The following H6PD variants were observed in gnomAD, a reference collection of about 807,000 sequenced individuals.
H6PD encodes GDH/6PGL endoplasmic bifunctional protein.
A neutral mutation model predicts 61.2 loss-of-function variants in H6PD; 48 were observed. The ratio of observed to expected loss-of-function variants is 0.78; its 90% confidence interval spans 0.62 to 1.00. The LOEUF is 1.00. Among genes scored for constraint, H6PD ranks in the 50% least tolerant of loss-of-function variants. The probability of loss-of-function intolerance (pLI) is 0.00; values close to 1 mark genes in which losing one functional copy is unlikely to be tolerated. For missense variants in H6PD, 1,093 were observed against 1,065.0 expected (o/e 1.03, Z -0.37); for synonymous variants, 480 against 457.9 (o/e 1.05, Z -0.62).
intron 1 of H6PD, chr1:9,242,624 C>T (rs1371725761): frequency 1.0e-6 from 1 of 985,338 alleles, no homozygotes; most frequent in Non-Finnish European, 1.2e-6. Flanking sequence ...TCCGTCACAG[C>T]TGTCTGCAGT....
At chr1:9,258,854 T>C (rs1037665600) in intron 3 of H6PD, among the ~76,000 whole-genome samples, 7 of 151,826 alleles carry the variant, frequency 4.6e-5, no homozygotes, top group African/African-American at 1.7e-4. Context: ...GCTGGTGTTG[T>C]GTTACTGTTG....
rs189633216 is a variant in H6PD, at chr1:9,248,205, C to G, written c.745+1122C>G. Among the ~76,000 whole-genome samples the G allele has an allele frequency of 5.5e-4, 84 of 152,362 alleles. 1 individual carries two copies. The highest frequency in any genetic ancestry group is 1.7e-3 in the African/African-American group (69 of 41,592). On this transcript the variant is annotated intron_variant, in intron 3 of 4. Transcript: ENST00000377403. ...CCCCAGCCCCCGCAGTGCGTGCCCG[C>G]CACAGGGCAGGGCCCAGAGCCCTGG...
intron 4 of H6PD, 105 bp downstream of exon 4, chr1:9,262,433 A>G (rs1638352807): frequency 4.5e-6 from 5 of 1,111,730 alleles, no homozygotes; most frequent in Non-Finnish European, 6.5e-6. Context: ...TTGAGGTGGG[A>G]TTTCCCCCAG....
rs762627876 is a variant in H6PD at position 9,244,957 on chromosome 1, C to T, written c.23C>T (p.Ala8Val). The T allele has an allele frequency of 4.3e-6, 7 of 1,613,936 alleles. No homozygotes were observed. Among genetic ancestry groups the T allele is most frequent in the African/African-American group, 2.7e-5 (2 of 74,912 alleles). Residue 8 changes from alanine (A) to valine (V), a missense_variant, in exon 2 of 5, where the codon GCG becomes GTG. Ala to Val is a moderately conservative substitution (Grantham distance 64). Coordinates refer to ENST00000377403, the MANE Select transcript of H6PD (RefSeq NM_004285.4). Reference sequence around the variant, plus strand: ...GGCATGTGGAATATGCTCATAGTGGCGATGTGCTTGGCCCTTCTGGGCTGC... The same window carrying T: ...GGCATGTGGAATATGCTCATAGTGGTGATGTGCTTGGCCCTTCTGGGCTGC... The part of the protein sequence containing the change: MWNMLIV[A>V]MCLALLGCLQ...
At chr1:9,263,438 G>T (rs1483600202) in intron 4 of H6PD, 71 bp from the exon 5 acceptor site, 2 of 1,477,374 alleles carry the variant, frequency 1.4e-6, no homozygotes, top group African/African-American at 1.4e-5. Context: ...AGCCGGCAAG[G>T]AGAGGAGAGG....
At chr1:9,246,666 C>T (rs1641184126) in intron 2 of H6PD, among the ~76,000 whole-genome samples, 1 of 152,168 alleles carries the variant, frequency 6.6e-6, no homozygotes, top group South Asian at 2.1e-4. Context: ...CAGAGCTTTT[C>T]TTTGCTACAT....
Position 9,266,488 on chromosome 1 carries a change from C to T in H6PD, c.*1619C>T, listed in dbSNP as rs1446717289. 6.6e-6 allele frequency: 1 copy of T among 152,202 alleles called. No homozygotes were observed. 9.4% of individuals were successfully genotyped at this position (152,202 alleles called of 1,614,324 possible). ...ACACCACAAAGCAAAATTCCCAGGA[C>T]ATGTGTAGTTTTGTTTGTTCAGTAT... On this transcript the variant is annotated 3_prime_UTR_variant, in exon 5 of 5. Coordinates refer to ENST00000377403, the MANE Select transcript of H6PD (RefSeq NM_004285.4).
At position 9,268,766 on chromosome 1, in the gene H6PD, C is replaced by G. The variant is rs762122278; in HGVS notation, c.*3897C>G. 6.6e-6 allele frequency: 1 copy of G among 152,184 alleles called. No individual in the cohort carries two copies. The highest frequency in any genetic ancestry group is 2.4e-5 in the African/African-American group (1 of 41,454). 9.4% of individuals were successfully genotyped at this position (152,184 alleles called of 1,614,324 possible). A position where few individuals can be genotyped will look rare whatever the true frequency, so the allele number is the denominator to read the frequency against. ...ACTAGTCCCTCGAGGGGTTCCCTTC[C>G]AAAATATGCAGGGCTCAGGCTCCCA... On this transcript the variant is annotated 3_prime_UTR_variant, in exon 5 of 5. Coordinates refer to ENST00000377403, the MANE Select transcript of H6PD (RefSeq NM_004285.4).
At chr1:9,250,358 G>A (rs895058484) in intron 3 of H6PD, among the ~76,000 whole-genome samples, 4 of 151,684 alleles carry the variant, frequency 2.6e-5, no homozygotes, top group African/African-American at 9.7e-5. Flanking sequence ...TGCACGGCAG[G>A]CCATTCTCCC....
At position 9,245,420 on chromosome 1, in the gene H6PD, A is replaced by C. The variant is rs762914679; in HGVS notation, c.486A>C (p.Pro162=). 4.3e-6 allele frequency: 7 copies of C among 1,614,118 alleles called. No individual in the cohort carries two copies. In the South Asian group the frequency reaches 5.5e-5, roughly 13 times the overall value. The change falls in exon 2 of 5, where the codon CCA becomes CCC. Residue 162 remains proline, a synonymous_variant. Coordinates refer to ENST00000377403, the MANE Select transcript of H6PD (RefSeq NM_004285.4). The surrounding 1 kb of genome is among the most constrained non-coding windows in gnomAD (Gnocchi z 4.8). ...IARNINSSCR[P]GPGAWLRVVL... is the part of the protein sequence containing the mutation. ...GCAACATCAACAGTAGCTGCCGGCC[A>C]GGCCCGGGCGCCTGGCTGCGGGTTG... is the stretch of plus-strand genomic sequence containing the variant.
chr1:9,242,297 T>A (rs1269911700), intron 1 of H6PD, among the ~76,000 whole-genome samples: 1 of 151,764 alleles, frequency 6.6e-6, no homozygotes, highest in East Asian at 1.9e-4. Flanking sequence ...CCCCAGGAAA[T>A]TCAAATGCTC....
rs1158253952 is a variant in H6PD, at chr1:9,245,520, G to GA, written c.587dup (p.Glu197GlyfsTer52). 2.5e-6 allele frequency: 4 copies of GA among 1,613,992 alleles called. No homozygotes were observed. In the African/African-American group the frequency reaches 5.3e-5, roughly 22 times the overall value. On this transcript the variant is annotated frameshift_variant, in exon 2 of 5. Coordinates refer to ENST00000377403, the MANE Select transcript of H6PD (RefSeq NM_004285.4). LOFTEE classifies it high-confidence loss of function. The surrounding 1 kb of genome is among the most constrained non-coding windows in gnomAD (Gnocchi z 4.8). Reference sequence around the variant, plus strand: ...CACAGAACTCGGGACCTTTTTCCAGGAGGAGGAGATGTACCGGGTGGACCA... The same window carrying GA: ...CACAGAACTCGGGACCTTTTTCCAGGAAGGAGGAGATGTACCGGGTGGACCA...
chr1:9,262,558 C>T (rs563502828), intron 4 of H6PD, among the ~76,000 whole-genome samples: 38 of 152,326 alleles, frequency 2.5e-4, no homozygotes, highest in South Asian at 6.2e-4. Flanking sequence ...GCCATGGCCT[C>T]GTGTCAGCCC....
intron 1 of H6PD, among the ~76,000 whole-genome samples, chr1:9,237,733 C>G (rs977775906): frequency 6.6e-6 from 1 of 152,204 alleles, no homozygotes; most frequent in African/African-American, 2.4e-5. Context: ...AAGTAGTAAG[C>G]TGCTGCTGTG....
In H6PD at chr1:9,246,958, C is replaced by T. The variant is rs4601607; in HGVS notation, c.628-8C>T. On this transcript the variant is annotated splice_region_variant and splice_polypyrimidine_tract_variant and intron_variant, in intron 2 of 4. Coordinates refer to ENST00000377403, the MANE Select transcript of H6PD (RefSeq NM_004285.4). Reference sequence around the variant, plus strand: ...CCTGCAGCACGCCCAGTCTTCCCCCCCCGACAGGCTGTGGCGCAGATCCTG... The same window carrying T: ...CCTGCAGCACGCCCAGTCTTCCCCCTCCGACAGGCTGTGGCGCAGATCCTG... 2.7e-3 allele frequency: 4,363 copies of T among 1,596,978 alleles called. 75 individuals carry two copies. In the African/African-American group the frequency reaches 0.042, roughly 15 times the overall value.
At chr1:9,257,138 T>C (rs572676267) in intron 3 of H6PD, among the ~76,000 whole-genome samples, 3 of 151,222 alleles carry the variant, frequency 2.0e-5, no homozygotes, top group South Asian at 2.1e-4. Context: ...TGTTTTCTTT[T>C]TCTTTCTTTT....
At chr1:9,258,781 T>C (rs1033002285) in intron 3 of H6PD, among the ~76,000 whole-genome samples, 15 of 152,084 alleles carry the variant, frequency 9.9e-5, no homozygotes, top group African/African-American at 3.4e-4. Flanking sequence ...TGTTGTTATG[T>C]TGTTGTTACA....
chr1:9,244,736 C>G (rs549004935), intron 1 of H6PD, among the ~76,000 whole-genome samples, 189 bp from the exon 2 acceptor site: 3 of 152,240 alleles, frequency 2.0e-5, no homozygotes, highest in Non-Finnish European at 4.4e-5. Flanking sequence ...GGCAGGCTCC[C>G]TACCCACTGA....
chr1:9,262,038 T>C (rs756038883), intron 3 of H6PD, 21 bp from the exon 4 acceptor site: 2 of 1,613,968 alleles, frequency 1.2e-6, no homozygotes. Context: ...TCCTCCCCAC[T>C]TCTCCACCTC....
Sources: allele counts gnomAD v4.1 joint callset (sites outside exome capture counted in the v4.1 genomes callset), GRCh38; gene constraint gnomAD v4.1.1; non-coding constraint Gnocchi (gnomAD v3.1); transcripts MANE v1.5; gene names NCBI Gene and HGNC (gene_info 2026-07-23, HGNC 2026-07-21).